Variants in KCNT2 observed in about 807,000 individuals in gnomAD.
The protein encoded by KCNT2 is potassium sodium-activated channel subfamily T member 2.
A neutral mutation model predicts 153.8 loss-of-function variants in KCNT2; 67 were observed. The ratio of observed to expected loss-of-function variants is 0.44; its 90% CI spans 0.36 to 0.53. The LOEUF (loss-of-function observed/expected upper bound fraction) is 0.53. Among genes scored for constraint, KCNT2 ranks in the 20% least tolerant of loss-of-function variants. The pLI, the probability that KCNT2 is intolerant of heterozygous loss-of-function variation, is 0.00. For missense variants in KCNT2, 975 were observed against 1,354.8 expected (o/e 0.72, Z 4.40); for synonymous variants, 500 against 458.8 (o/e 1.09, Z -1.15).
intron 1 of KCNT2, among the ~76,000 whole-genome samples, chr1:196,563,068 A>C (rs1384447707): frequency 6.6e-6 from 1 of 151,954 alleles, no homozygotes; most frequent in Non-Finnish European, 1.5e-5. Flanking sequence ...TAATTACTCT[A>C]CGCCTTCAAC....
intron 12 of KCNT2, chr1:196,404,079 C>A (rs1671638373): frequency 1.3e-6 from 1 of 798,944 alleles, no homozygotes; most frequent in Non-Finnish European, 1.5e-6. Flanking sequence ...CTCCCTTTTC[C>A]CAAAAGAAAA....
intron 26 of KCNT2, among the ~76,000 whole-genome samples, chr1:196,240,167 A>G (rs557028814): frequency 1.3e-5 from 2 of 152,154 alleles, no homozygotes; most frequent in Admixed American, 6.6e-5. Context: ...GGAACATTCT[A>G]TATAATATAA....
intron 1 of KCNT2, among the ~76,000 whole-genome samples, chr1:196,564,943 T>C (rs1015871206): frequency 1.3e-5 from 2 of 151,800 alleles, no homozygotes; most frequent in South Asian, 2.1e-4. Flanking sequence ...TCACCCCTTA[T>C]GCATAGGCAA....
intron 8 of KCNT2, among the ~76,000 whole-genome samples, chr1:196,448,327 C>T (rs995093215): frequency 1.5e-4 from 22 of 151,610 alleles, no homozygotes; most frequent in African/African-American, 4.8e-4. Context: ...GGAGCCAATG[C>T]TATTTGCACA....
At chr1:196,284,248 A>AAAAAAAT in intron 23 of KCNT2, among the ~76,000 whole-genome samples, 26 of 10,050 alleles carry the variant, frequency 2.6e-3, no homozygotes, top group East Asian at 9.1e-3. Flanking sequence ...AAAAAAAAAA[A>AAAAAAAT]ATATATATAT....
chr1:196,574,081 T>C (rs1661084984), intron 1 of KCNT2, among the ~76,000 whole-genome samples: 1 of 151,952 alleles, frequency 6.6e-6, no homozygotes, highest in Non-Finnish European at 1.5e-5. Context: ...CATAGTTACA[T>C]GGTCTTAATT....
chr1:196,262,563 T>C (rs911936179), intron 25 of KCNT2, among the ~76,000 whole-genome samples: 3 of 151,962 alleles, frequency 2.0e-5, no homozygotes, highest in Non-Finnish European at 4.4e-5. Context: ...ATCATCTAAA[T>C]TTAAATATAT....
intron 8 of KCNT2, among the ~76,000 whole-genome samples, chr1:196,436,093 A>T (rs1674629428): frequency 6.6e-6 from 1 of 151,302 alleles, no homozygotes; most frequent in Non-Finnish European, 1.5e-5. Context: ...AGTTTGATTT[A>T]AAAACAGAGA....
intron 1 of KCNT2, among the ~76,000 whole-genome samples, chr1:196,580,525 A>C (rs1048385530): frequency 5.3e-5 from 8 of 152,200 alleles, no homozygotes; most frequent in Non-Finnish European, 1.0e-4. Context: ...TAGAAAACTT[A>C]GCAGACAACA....
At chr1:196,322,309 T>C (rs1233013338) in intron 19 of KCNT2, among the ~76,000 whole-genome samples, 3 of 151,794 alleles carry the variant, frequency 2.0e-5, no homozygotes, top group African/African-American at 7.3e-5. Context: ...TAGACCACAG[T>C]TGCTTAATAT....
chr1:196,559,417 A>G (rs1659093379), intron 1 of KCNT2, among the ~76,000 whole-genome samples: 1 of 151,652 alleles, frequency 6.6e-6, no homozygotes, highest in South Asian at 2.1e-4. Context: ...GATTGTTTCC[A>G]GTTTTATGCT....
chr1:196,265,583 TAC>T (rs1444593623), intron 25 of KCNT2, among the ~76,000 whole-genome samples: 1 of 152,192 alleles, frequency 6.6e-6, no homozygotes, highest in East Asian at 1.9e-4. Flanking sequence ...GCCCCCATTC[TAC>T]AGTGTGTCCT....
At chr1:196,402,069 TC>T (rs1464911318) in intron 12 of KCNT2, among the ~76,000 whole-genome samples, 2 of 151,090 alleles carry the variant, frequency 1.3e-5, no homozygotes, top group African/African-American at 4.9e-5. Context: ...TAGCAAAAAC[TC>T]CCTCAAAGAG....
chr1:196,444,372 C>A lies in KCNT2; in HGVS notation c.639-14615G>T, dbSNP rs188570000. The stretch of plus-strand genomic sequence containing the variant: ...CAATCGTTCTAAGAATTATGTTTCC[C>A]TTTTTCCTTTTTTTAAGGCTTAACT... On this transcript the variant is annotated intron_variant, in intron 8 of 27. Transcript: ENST00000294725. 3.3e-5 allele frequency among the ~76,000 whole-genome samples: 5 copies of A among 151,342 alleles called. No individual in the cohort carries two copies. The East Asian group carries it at 9.8e-4, about 30-fold the overall frequency.
chr1:196,421,328 A>G (rs553389599), intron 12 of KCNT2, among the ~76,000 whole-genome samples: 6 of 152,090 alleles, frequency 3.9e-5, no homozygotes, highest in Admixed American at 2.0e-4. Flanking sequence ...TTATGTATTT[A>G]TTTCCTAATG....
chr1:196,570,067 TAAAAAAAAA>T (rs199836975), intron 1 of KCNT2, among the ~76,000 whole-genome samples: 6 of 133,710 alleles, frequency 4.5e-5, no homozygotes, highest in South Asian at 2.2e-4. Context: ...TGAGCTAGAG[TAAAAAAAAA>T]AAAAAAAAAA....
intron 26 of KCNT2, among the ~76,000 whole-genome samples, chr1:196,247,440 T>A (rs939252836): frequency 2.6e-5 from 4 of 152,162 alleles, no homozygotes; most frequent in Admixed American, 1.3e-4. Flanking sequence ...TCTACTAAGA[T>A]ATTGGCAAAA....
chr1:196,453,702 G>A (rs1676413352), intron 8 of KCNT2, among the ~76,000 whole-genome samples: 1 of 151,890 alleles, frequency 6.6e-6, no homozygotes, highest in Non-Finnish European at 1.5e-5. Context: ...CACCACAAAT[G>A]TTACTCCTTA....
At chr1:196,593,382 A>G (rs1277516353) in intron 1 of KCNT2, among the ~76,000 whole-genome samples, 3 of 148,954 alleles carry the variant, frequency 2.0e-5, no homozygotes, top group Non-Finnish European at 1.5e-5. Flanking sequence ...TTTTTTCTTT[A>G]TCCACTCATT....
Sources: allele counts gnomAD v4.1 joint callset (sites outside exome capture counted in the v4.1 genomes callset), GRCh38; gene constraint gnomAD v4.1.1; transcripts MANE v1.5; gene names NCBI Gene and HGNC (gene_info 2026-07-23, HGNC 2026-07-21).